The following DOCK11 variants were observed in gnomAD, a reference collection of about 807,000 sequenced individuals.
DOCK11 encodes dedicator of cytokinesis protein 11.
Under a neutral mutation model 169.1 loss-of-function variants are expected in DOCK11, and 70 were observed. The observed-to-expected ratio is 0.41, with a 90% CI of 0.34 to 0.51. DOCK11 has a LOEUF of 0.51. DOCK11 is among the 20% of genes least tolerant of loss of function. The probability of loss-of-function intolerance (pLI) is 0.10; values close to 1 mark genes in which losing one functional copy is unlikely to be tolerated. For synonymous variants in DOCK11, 529 were observed against 541.3 expected (o/e 0.98, Z 0.32); for missense variants, 1,166 against 1,538.8 (o/e 0.76, Z 4.05).
intron 52 of DOCK11, 170 bp from the exon 53 acceptor site, chrX:118,685,518 A>T: frequency 1.9e-6 from 1 of 517,321 alleles, no homozygotes. Context: ...TTTGTAATAC[A>T]GCTTTGAAGA....
intron 1 of DOCK11, among the ~76,000 whole-genome samples, chrX:118,512,180 C>T (rs781314401): frequency 3.6e-5 from 4 of 112,160 alleles, no homozygotes; most frequent in East Asian, 2.8e-4. Context: ...GGGATTACAG[C>T]GTGAGCCACC....
At chrX:118,645,184 A>G (rs1474753232) in intron 40 of DOCK11, among the ~76,000 whole-genome samples, 1 of 111,482 alleles carries the variant, frequency 9.0e-6, no homozygotes, top group Non-Finnish European at 1.9e-5. Flanking sequence ...ATTAGGATAT[A>G]TGGATCTTTG....
chrX:118,608,021 A>G (rs1340690300), intron 24 of DOCK11, 51 bp from the exon 25 acceptor site: 1 of 1,035,437 alleles, frequency 9.7e-7, no homozygotes, highest in African/African-American at 1.9e-5. Context: ...GAATCAAAAT[A>G]TGTTAATTCA....
At chrX:118,669,225 T>A (rs1046085599) in intron 45 of DOCK11, among the ~76,000 whole-genome samples, 1 of 110,258 alleles carries the variant, frequency 9.1e-6, no homozygotes, top group Non-Finnish European at 1.9e-5. Context: ...ATGAGAGAAA[T>A]GGAGAGAAAG....
intron 7 of DOCK11, among the ~76,000 whole-genome samples, chrX:118,562,812 G>A (rs1267947924): frequency 1.8e-5 from 2 of 112,125 alleles, no homozygotes; most frequent in East Asian, 2.8e-4. Flanking sequence ...CCTCACCCTC[G>A]TGACTACCAA....
chrX:118,550,388 G>A (rs901086740), intron 6 of DOCK11, among the ~76,000 whole-genome samples: 3 of 110,670 alleles, frequency 2.7e-5, no homozygotes, highest in Non-Finnish European at 3.8e-5. Context: ...GTAGTGAGGC[G>A]AGATTGAGCC....
chrX:118,558,185 C>T (rs2012783498), intron 6 of DOCK11, among the ~76,000 whole-genome samples: 1 of 109,864 alleles, frequency 9.1e-6, no homozygotes, highest in Non-Finnish European at 1.9e-5. Context: ...GTTGGCCAGG[C>T]TGGTCTTGAA....
At chrX:118,658,707 A>G (rs1206911695) in intron 44 of DOCK11, among the ~76,000 whole-genome samples, 5 of 112,367 alleles carry the variant, frequency 4.4e-5, no homozygotes, top group African/African-American at 1.6e-4. Flanking sequence ...AGTGTCAGCT[A>G]TTCTCCTTCC....
chrX:118,596,603 T>C (rs1298347972), intron 20 of DOCK11, among the ~76,000 whole-genome samples: 1 of 111,984 alleles, frequency 8.9e-6, no homozygotes, highest in Non-Finnish European at 1.9e-5. Flanking sequence ...TTATAAACAC[T>C]TGAATCCCAG....
At chrX:118,653,185 G>A (rs1447815384) in intron 42 of DOCK11, among the ~76,000 whole-genome samples, 1 of 111,526 alleles carries the variant, frequency 9.0e-6, no homozygotes, top group African/African-American at 3.3e-5. Context: ...AATGGGGCTT[G>A]TATATTCTCT....
intron 12 of DOCK11, among the ~76,000 whole-genome samples, chrX:118,575,341 T>G (rs2013411576): frequency 8.9e-6 from 1 of 112,143 alleles, no homozygotes; most frequent in Non-Finnish European, 1.9e-5. Context: ...CAGTCATATT[T>G]ATATGAAAGG....
At chrX:118,546,000 A>G in intron 5 of DOCK11, 21 bp from the exon 6 acceptor site, 1 of 1,133,328 alleles carries the variant, frequency 8.8e-7, no homozygotes, top group Non-Finnish European at 1.2e-6. Context: ...TGTTTTACTG[A>G]TAATTTTTGT....
chrX:118,533,644 G>T (rs1394727409), intron 1 of DOCK11, among the ~76,000 whole-genome samples: 1 of 112,177 alleles, frequency 8.9e-6, no homozygotes, highest in Non-Finnish European at 1.9e-5. Context: ...ACCTCTAGGA[G>T]GTTATGTTTT....
chrX:118,671,799 C>T (rs1569446842), intron 46 of DOCK11, among the ~76,000 whole-genome samples: 1 of 111,923 alleles, frequency 8.9e-6, no homozygotes, highest in Non-Finnish European at 1.9e-5. Context: ...CCTGCCTCAG[C>T]CTTCCCAGTA....
rs200211345 is a variant in DOCK11, at chrX:118,647,139, ATGTGTGTGTGTGTGTGTGTGTG to A, written c.4399-1778_4399-1757del. Reference sequence around the variant, plus strand: ...CTATCAGTGTTTATGTGAAGAGGATATGTGTGTGTGTGTGTGTGTGTGTGTGTGTGTGTGTGTGTGTGTGTGT... The same window carrying A: ...CTATCAGTGTTTATGTGAAGAGGATATGTGTGTGTGTGTGTGTGTGTGTGT... On this transcript the variant is annotated intron_variant, in intron 40 of 52. Coordinates refer to ENST00000276202, the MANE Select transcript of DOCK11 (RefSeq NM_144658.4). Among the ~76,000 whole-genome samples the A allele has an allele frequency of 1.6e-3, 137 of 85,521 alleles. 1 individual carries two copies. The highest frequency in any genetic ancestry group is 3.8e-3 in the East Asian group (10 of 2,603). The allele number at this position is 85,521 out of a possible 115,157, so 74.3% of individuals were successfully genotyped here.
intron 20 of DOCK11, among the ~76,000 whole-genome samples, chrX:118,595,990 CA>C (rs2014154828): frequency 9.0e-6 from 1 of 111,277 alleles, no homozygotes; most frequent in Admixed American, 9.6e-5. Flanking sequence ...AAGTGGTGGT[CA>C]TGGAGATACA....
intron 23 of DOCK11, among the ~76,000 whole-genome samples, chrX:118,601,930 A>C (rs1236075745): frequency 4.8e-4 from 50 of 105,206 alleles, no homozygotes; most frequent in African/African-American, 1.5e-3. Flanking sequence ...GGCGCCCGCC[A>C]CCATGCCCAG....
intron 1 of DOCK11, among the ~76,000 whole-genome samples, chrX:118,522,992 T>C (rs1355737914): frequency 8.9e-6 from 1 of 112,572 alleles, no homozygotes; most frequent in Non-Finnish European, 1.9e-5. Flanking sequence ...TGTTTTCCCA[T>C]TGATAAAATG....
intron 52 of DOCK11, among the ~76,000 whole-genome samples, chrX:118,684,036 A>G (rs1013824084): frequency 1.8e-5 from 2 of 111,727 alleles, no homozygotes; most frequent in Non-Finnish European, 3.8e-5. Context: ...TGAGTTTCAC[A>G]TAAAAGAGAG....
Sources: allele counts gnomAD v4.1 joint callset (sites outside exome capture counted in the v4.1 genomes callset), GRCh38; gene constraint gnomAD v4.1.1; transcripts MANE v1.5; gene names NCBI Gene and HGNC (gene_info 2026-07-23, HGNC 2026-07-21).